Variants in MAP4K1 observed in about 807,000 individuals in gnomAD.
The protein encoded by MAP4K1 is MAPK/ERK kinase kinase kinase 1.
In MAP4K1, 35 loss-of-function variants were observed where a neutral mutation model predicts 122.8. The ratio of observed to expected loss-of-function variants is 0.29; its 90% CI spans 0.22 to 0.38. The LOEUF is 0.38. Ranked by LOEUF, MAP4K1 falls within the 10% of genes least tolerant of loss-of-function variation. MAP4K1 has a pLI of 1.00. For missense variants in MAP4K1, 791 were observed against 1,072.6 expected (o/e 0.74, Z 3.67); for synonymous variants, 412 against 421.3 (o/e 0.98, Z 0.27).
At chr19:38,607,811 G>T in intron 16 of MAP4K1, 53 bp downstream of exon 16, 1 of 1,585,466 alleles carries the variant, frequency 6.3e-7, no homozygotes, top group South Asian at 1.1e-5. Context: ...GGGATTGTAG[G>T]AAGGTGGGGG....
At chr19:38,612,429 AAAAT>A (rs974180471) in intron 9 of MAP4K1, among the ~76,000 whole-genome samples, 178 bp downstream of exon 9, 4 of 149,344 alleles carry the variant, frequency 2.7e-5, no homozygotes, top group African/African-American at 4.9e-5. Context: ...TAAAAAATAA[AAAAT>A]AAAATAAAAT....
rs755955391 is a variant in MAP4K1 at position 38,595,959 on chromosome 19, A to G, written c.2159T>C (p.Met720Thr). The change falls in exon 27 of 31, where the codon ATG (methionine) becomes ACG (threonine). Residue 720 changes from methionine to threonine, a missense_variant. Met to Thr is a moderately conservative substitution (Grantham distance 81, BLOSUM62 -1). Coordinates refer to ENST00000396857, the MANE Select transcript of MAP4K1 (RefSeq NM_001042600.3). ...CTCACCATCCATCAACACCATCACC[A>G]TATCTTCCTCTACCTGGGTCACCTG... The part of the protein sequence containing the change: ...PVQVTQVEED[M>T]VMVLMDGSVK... The G allele has an allele frequency of 5.0e-6, 8 of 1,613,964 alleles. No individual in the cohort carries two copies. The East Asian group carries it at 8.9e-5, about 18-fold the overall frequency.
chr19:38,602,771 TATATACAC>T (rs1975133918), intron 19 of MAP4K1, among the ~76,000 whole-genome samples: 1 of 147,378 alleles, frequency 6.8e-6, no homozygotes, highest in African/African-American at 2.5e-5. Context: ...CGCATATACA[TATATACAC>T]ATATACATAT....
intron 30 of MAP4K1, among the ~76,000 whole-genome samples, chr19:38,589,618 T>C (rs1014838171): frequency 2.0e-5 from 3 of 151,954 alleles, no homozygotes; most frequent in Admixed American, 2.0e-4. Context: ...TTTCTCCACA[T>C]TGGTCAGGCT....
At position 38,596,500 on chromosome 19, in the gene MAP4K1, AG is replaced by A; in HGVS notation, c.1942-15del. On this transcript the variant is annotated splice_polypyrimidine_tract_variant and intron_variant, in intron 25 of 30. Transcript: ENST00000396857. Reference sequence around the variant, plus strand: ...GAACAGCACCTGCTGCGGGCCGCACAGGGAGGGGCGGGCTAGGGGGTGGTTC... The same window carrying A: ...GAACAGCACCTGCTGCGGGCCGCACAGGAGGGGCGGGCTAGGGGGTGGTTC... The A allele has an allele frequency of 6.5e-7, 1 of 1,530,780 alleles. No individual in the cohort carries two copies. 94.8% of individuals were successfully genotyped at this position (1,530,780 alleles called of 1,614,324 possible).
At position 38,597,047 on chromosome 19, in the gene MAP4K1, A is replaced by T. The variant is rs1265361908; in HGVS notation, c.1928T>A (p.Phe643Tyr). Residue 643 changes from phenylalanine to tyrosine, a missense_variant, in exon 25 of 31, where the codon TTC (phenylalanine) becomes TAC (tyrosine). By Grantham distance (22) the Phe-to-Tyr change is conservative. Coordinates refer to ENST00000396857, the MANE Select transcript of MAP4K1 (RefSeq NM_001042600.3). The surrounding 1 kb of genome is among the most constrained non-coding windows in gnomAD (Gnocchi z 4.6). ...CAAGCCCCTTACCCGGACAAGCAGGAATTTGTTCATGGGCTGGTACCACTG... is the reference window on the plus strand; with the variant it reads ...CAAGCCCCTTACCCGGACAAGCAGGTATTTGTTCATGGGCTGGTACCACTG... ...LLQWYQPMNK[F>Y]LLVRQVLFPL... 6.2e-7 allele frequency: 1 copy of T among 1,614,030 alleles called. No homozygotes were observed. Among genetic ancestry groups the T allele is most frequent in the Non-Finnish European group, 8.5e-7 (1 of 1,179,984 alleles).
intron 29 of MAP4K1, among the ~76,000 whole-genome samples, chr19:38,594,511 G>A (rs1268894803): frequency 6.6e-6 from 1 of 151,986 alleles, no homozygotes; most frequent in Non-Finnish European, 1.5e-5. Flanking sequence ...ATGATGGAGT[G>A]TACCTGTAAT....
At chr19:38,611,356 C>A in intron 9 of MAP4K1, 51 bp from the exon 10 acceptor site, 1 of 1,285,550 alleles carries the variant, frequency 7.8e-7, no homozygotes, top group Non-Finnish European at 1.1e-6. Context: ...GGGGGCCAGA[C>A]CTCATGGCTT....
chr19:38,605,968 T>G (rs562516328), intron 17 of MAP4K1, among the ~76,000 whole-genome samples: 239 of 152,248 alleles, frequency 1.6e-3, no homozygotes, highest in Admixed American at 4.3e-3. Flanking sequence ...TAGGACCAGC[T>G]ACTGACCAGT....
At chr19:38,599,006 C>CT in intron 22 of MAP4K1, among the ~76,000 whole-genome samples, 1 of 100,728 alleles carries the variant, frequency 9.9e-6, no homozygotes, top group Middle Eastern at 9.4e-3. Context: ...GAGTGAGAGT[C>CT]TATCTCAAAA....
At chr19:38,608,264 G>C in intron 13 of MAP4K1, 94 bp from the exon 14 acceptor site, 1 of 562,334 alleles carries the variant, frequency 1.8e-6, no homozygotes. Flanking sequence ...TGGCGGGGGG[G>C]TTGCAGTCAG....
rs528113723 is a variant in MAP4K1, at chr19:38,591,423, C to T, written c.2396+1859G>A. On this transcript the variant is annotated intron_variant, in intron 30 of 30. Coordinates refer to ENST00000396857, the MANE Select transcript of MAP4K1 (RefSeq NM_001042600.3). ...GTGTGCAACTGTAGTCCCAGCTACT[C>T]AGGAGGTTGAGACAGGAGACTTGCC... 8.3e-4 allele frequency among the ~76,000 whole-genome samples: 124 copies of T among 148,588 alleles called. 1 individual carries two copies. Among genetic ancestry groups the T allele is most frequent in the African/African-American group, 3.0e-3 (121 of 40,394 alleles).
chr19:38,590,395 AT>A (rs1273563620), intron 30 of MAP4K1, among the ~76,000 whole-genome samples: 459 of 19,292 alleles, frequency 0.024, 7 homozygotes, highest in African/African-American at 0.077. Flanking sequence ...AAAAAAAAAA[AT>A]ATATATATAT....
intron 30 of MAP4K1, among the ~76,000 whole-genome samples, chr19:38,589,669 C>T (rs1974646706): frequency 6.6e-6 from 1 of 152,150 alleles, no homozygotes; most frequent in Non-Finnish European, 1.5e-5. Context: ...CCTGCCTCGG[C>T]CTCCCAAAGT....
At position 38,599,347 on chromosome 19, in the gene MAP4K1, CAAA is replaced by C. The variant is rs35011527; in HGVS notation, c.1669+575_1669+577del. Among the ~76,000 whole-genome samples the C allele has an allele frequency of 9.6e-3, 379 of 39,426 alleles. 1 individual carries two copies. The highest frequency in any genetic ancestry group is 0.029 in the African/African-American group (357 of 12,128). The allele number at this position is 39,426 out of a possible 152,430, so 25.9% of individuals were successfully genotyped here. On this transcript the variant is annotated intron_variant, in intron 22 of 30. Transcript: ENST00000396857. ...TGGGCAACTGAGTGAGACTCGGTCT[CAAA>C]AAAAAAAAAAAAAAAAAAGGCTAAT...
Position 38,595,496 on chromosome 19 carries a change from C to T in MAP4K1, c.2329G>A (p.Gly777Ser), listed in dbSNP as rs1259474373. ...WKHGVQVWALGSDQLLQELRD... is the reference protein window; with the variant it reads ...WKHGVQVWALSSDQLLQELRD... ...ATGGAGGGGCTTACCTGATCCGAGC[C>T]TAGAGCCCACACCTGCACTCCATGC... The change falls in exon 29 of 31, where the codon GGC (glycine) becomes AGC (serine). Residue 777 changes from glycine (G) to serine (S), a missense_variant. Coordinates refer to ENST00000396857, the MANE Select transcript of MAP4K1 (RefSeq NM_001042600.3). 1 of 1,614,028 alleles carries T rather than the reference C, an allele frequency of 6.2e-7. No individual in the cohort carries two copies. The highest frequency in any genetic ancestry group is 2.2e-5 in the East Asian group (1 of 44,868).
chr19:38,588,768 A>T (rs1599682143), intron 30 of MAP4K1, among the ~76,000 whole-genome samples: 3 of 150,422 alleles, frequency 2.0e-5, no homozygotes, highest in African/African-American at 7.3e-5. Context: ...AAAAAAAAAA[A>T]TTTATCCAGG....
At chr19:38,599,649 G>T (rs1433556020) in intron 22 of MAP4K1, among the ~76,000 whole-genome samples, 1 of 151,650 alleles carries the variant, frequency 6.6e-6, no homozygotes, top group Non-Finnish European at 1.5e-5. Context: ...GTGACAGAGG[G>T]AGACTCTGTC....
chr19:38,607,037 G>A (rs10413936), intron 16 of MAP4K1, among the ~76,000 whole-genome samples: 7,746 of 152,186 alleles, frequency 0.051, 541 homozygotes, highest in East Asian at 0.26. Flanking sequence ...CAAAAAGATA[G>A]GAAAAGCTGA....
Sources: allele counts gnomAD v4.1 joint callset (sites outside exome capture counted in the v4.1 genomes callset), GRCh38; gene constraint gnomAD v4.1.1; non-coding constraint Gnocchi (gnomAD v3.1); transcripts MANE v1.5; gene names NCBI Gene and HGNC (gene_info 2026-07-23, HGNC 2026-07-21).